Variants in MEF2C observed in about 807,000 individuals in gnomAD.
The protein encoded by MEF2C is myocyte-specific enhancer factor 2C.
A neutral mutation model predicts 50.5 loss-of-function variants in MEF2C; 6 were observed. The ratio of observed to expected loss-of-function variants is 0.12; its 90% CI spans 0.07 to 0.23. The LOEUF (loss-of-function observed/expected upper bound fraction) is 0.23, where lower values mean the gene tolerates loss of function less well. Among genes scored for constraint, MEF2C ranks in the 10% least tolerant of loss-of-function variants. MEF2C has a pLI of 1.00. For missense variants in MEF2C, 276 were observed against 605.0 expected (o/e 0.46, Z 5.70); for synonymous variants, 183 against 228.0 (o/e 0.80, Z 1.78).
chr5:88,800,943 T>G (rs1315530603), intron 3 of MEF2C, among the ~76,000 whole-genome samples: 3 of 152,220 alleles, frequency 2.0e-5, no homozygotes, highest in Non-Finnish European at 4.4e-5. Flanking sequence ...AGTCTGTCTG[T>G]TAAGCCTTTG....
chr5:88,871,312 G>A (rs958484083), intron 1 of MEF2C, among the ~76,000 whole-genome samples: 7 of 151,904 alleles, frequency 4.6e-5, no homozygotes, highest in Non-Finnish European at 8.8e-5. Flanking sequence ...CTAAGCCCAT[G>A]TGCCTTAGAG....
At chr5:88,729,552 A>G in intron 8 of MEF2C, 1 of 545,770 alleles carries the variant, frequency 1.8e-6, no homozygotes, top group Non-Finnish European at 3.2e-6. Flanking sequence ...AACCCATTAC[A>G]TCAGTATCTC....
chr5:88,868,597 G>GT (rs1290728940), intron 1 of MEF2C, among the ~76,000 whole-genome samples: 1 of 152,054 alleles, frequency 6.6e-6, no homozygotes, highest in East Asian at 1.9e-4. Flanking sequence ...CTACTTTCTT[G>GT]TAACACACTA....
chr5:88,782,195 A>C (rs1242533199), intron 3 of MEF2C: 1 of 977,996 alleles, frequency 1.0e-6, no homozygotes, highest in African/African-American at 1.8e-5. Context: ...TAGGCCAGGC[A>C]CAGTGGCTCA....
chr5:88,771,976 A>T (rs1782589293), intron 3 of MEF2C: 1 of 152,406 alleles, frequency 6.6e-6, no homozygotes, highest in Non-Finnish European at 1.5e-5. Context: ...CTTCCAAGCC[A>T]TCTGTGGCTG....
At chr5:88,824,838 A>G (rs1461432363) in intron 1 of MEF2C, 1 of 151,952 alleles carries the variant, frequency 6.6e-6, no homozygotes, top group Non-Finnish European at 1.5e-5. Flanking sequence ...CATCAATAAC[A>G]TGAGATAAGC....
At chr5:88,869,530 T>C (rs1209906945) in intron 1 of MEF2C, among the ~76,000 whole-genome samples, 1 of 151,520 alleles carries the variant, frequency 6.6e-6, no homozygotes, top group Non-Finnish European at 1.5e-5. Context: ...TACCATGAAC[T>C]GTACACAACA....
At chr5:88,762,088 G>C (rs1252663223) in intron 3 of MEF2C, among the ~76,000 whole-genome samples, 1 of 152,094 alleles carries the variant, frequency 6.6e-6, no homozygotes, top group African/African-American at 2.4e-5. Context: ...AAACTAGCAA[G>C]GGTTCCTCCT....
intron 1 of MEF2C, chr5:88,825,621 C>A: frequency 1.0e-6 from 1 of 984,782 alleles, no homozygotes; most frequent in Non-Finnish European, 1.2e-6. Context: ...ATAATTGCAT[C>A]ATATATTTGA....
chr5:88,733,410 T>G (rs1762521623), intron 6 of MEF2C: 1 of 985,122 alleles, frequency 1.0e-6, no homozygotes, highest in African/African-American at 1.7e-5. Context: ...ATGGTGGAAA[T>G]GAAAGTTTCA....
chr5:88,760,091 A>G (rs1170497257), intron 4 of MEF2C, among the ~76,000 whole-genome samples: 2 of 152,264 alleles, frequency 1.3e-5, no homozygotes, highest in African/African-American at 2.4e-5. Context: ...GAGCTTGTAT[A>G]CAATTAAGGT....
chr5:88,868,047 C>A (rs575397051), intron 1 of MEF2C, among the ~76,000 whole-genome samples: 105 of 152,284 alleles, frequency 6.9e-4, no homozygotes, highest in African/African-American at 2.4e-3. Flanking sequence ...GAAAGAATTA[C>A]CTCCCAACCA....
At chr5:88,876,904 C>G (rs1357721764) in intron 1 of MEF2C, among the ~76,000 whole-genome samples, 1 of 151,926 alleles carries the variant, frequency 6.6e-6, no homozygotes, top group East Asian at 1.9e-4. Context: ...GAAAACCAGA[C>G]CACCACGCTC....
At chr5:88,891,450 T>G (rs533580739) in intron 1 of MEF2C, among the ~76,000 whole-genome samples, 1 of 140,990 alleles carries the variant, frequency 7.1e-6, no homozygotes, top group Non-Finnish European at 1.5e-5. Context: ...CAGGCTTGAG[T>G]GCAGTGGTGC....
chr5:88,793,886 C>T (rs1794903534), intron 3 of MEF2C, among the ~76,000 whole-genome samples: 1 of 151,942 alleles, frequency 6.6e-6, no homozygotes, highest in African/African-American at 2.4e-5. Context: ...TGAGTGAGCA[C>T]ATGTGGTGTT....
chr5:88,780,148 A>G (rs530446337), intron 3 of MEF2C, among the ~76,000 whole-genome samples: 82 of 149,850 alleles, frequency 5.5e-4, no homozygotes, highest in African/African-American at 1.9e-3. Flanking sequence ...ATCCATCTCG[A>G]AAAAAAAAAG....
chr5:88,802,146 T>C (rs2153055350), intron 3 of MEF2C, among the ~76,000 whole-genome samples: 1 of 152,368 alleles, frequency 6.6e-6, no homozygotes, highest in Non-Finnish European at 1.5e-5. Flanking sequence ...AATCTATTGA[T>C]GTTAACAAGA....
intron 1 of MEF2C, 138 bp downstream of exon 1, chr5:88,882,817 A>G (rs1833349012): frequency 6.6e-6 from 1 of 152,186 alleles, no homozygotes; most frequent in African/African-American, 2.4e-5. Context: ...ACGAAAAAGA[A>G]TGCACAACGA....
chr5:88,774,385 C>T (rs1160787575), intron 3 of MEF2C, among the ~76,000 whole-genome samples: 1 of 148,692 alleles, frequency 6.7e-6, no homozygotes, highest in East Asian at 2.0e-4. Flanking sequence ...TGCAGTGGGG[C>T]GATCTCGGCT....
Sources: allele counts gnomAD v4.1 joint callset (sites outside exome capture counted in the v4.1 genomes callset), GRCh38; gene constraint gnomAD v4.1.1; transcripts MANE v1.5; gene names NCBI Gene and HGNC (gene_info 2026-07-23, HGNC 2026-07-21).